FSTL5: variants seen among roughly 807,000 people sequenced by gnomAD.
FSTL5 encodes the protein follistatin like 5.
A neutral mutation model predicts 89.1 loss-of-function variants in FSTL5; 62 were observed. The ratio of observed to expected loss-of-function variants is 0.70; its 90% CI spans 0.57 to 0.86. The LOEUF is 0.86. FSTL5 is among the 40% of genes least tolerant of loss of function. The pLI is 0.00. For missense variants in FSTL5, 1,057 were observed against 1,001.6 expected (o/e 1.06, Z -0.75); for synonymous variants, 383 against 346.2 (o/e 1.11, Z -1.18).
chr4:161,698,229 C>T (rs921219713), intron 6 of FSTL5, among the ~76,000 whole-genome samples: 3 of 152,106 alleles, frequency 2.0e-5, no homozygotes, highest in Non-Finnish European at 2.9e-5. Flanking sequence ...TCTGCTGGCA[C>T]CTCGATCTAG....
In FSTL5 at chr4:161,947,158, G is replaced by T. The variant is rs534160247; in HGVS notation, c.161-26506C>A. Reference sequence around the variant, plus strand: ...TGTGTGTGTATGTGTGTGTGTGTGTGTGTGCATCTTACTCTGTTACTGCTT... The same window carrying T: ...TGTGTGTGTATGTGTGTGTGTGTGTTTGTGCATCTTACTCTGTTACTGCTT... On this transcript the variant is annotated intron_variant, in intron 3 of 15. Transcript: ENST00000306100. 4.9e-4 allele frequency among the ~76,000 whole-genome samples: 75 copies of T among 151,792 alleles called. 1 individual carries two copies. In the Middle Eastern group the frequency reaches 0.014, roughly 28 times the overall value.
intron 13 of FSTL5, among the ~76,000 whole-genome samples, chr4:161,462,308 C>T (rs972465969): frequency 6.6e-6 from 1 of 152,152 alleles, no homozygotes; most frequent in African/African-American, 2.4e-5. Flanking sequence ...ATGTTGCTCT[C>T]TTATTTATGC....
At chr4:161,810,117 T>A (rs1266931365) in intron 4 of FSTL5, among the ~76,000 whole-genome samples, 1 of 152,064 alleles carries the variant, frequency 6.6e-6, no homozygotes, top group Non-Finnish European at 1.5e-5. Context: ...GTAGTTGTGA[T>A]GAAATGTCAT....
intron 3 of FSTL5, among the ~76,000 whole-genome samples, chr4:161,921,104 A>G (rs1179306325): frequency 2.6e-5 from 4 of 152,194 alleles, no homozygotes; most frequent in African/African-American, 9.6e-5. Flanking sequence ...TCCTTGGCAC[A>G]TGATAGATGT....
chr4:161,644,705 T>C (rs1453781622), intron 7 of FSTL5, among the ~76,000 whole-genome samples: 1 of 152,080 alleles, frequency 6.6e-6, no homozygotes, highest in African/African-American at 2.4e-5. Flanking sequence ...AAGAAGCCAT[T>C]AAGGGATTTT....
intron 2 of FSTL5, among the ~76,000 whole-genome samples, chr4:162,042,504 G>T (rs1036634347): frequency 6.6e-6 from 1 of 151,962 alleles, no homozygotes. Context: ...AAGGAATTAC[G>T]GTCATTTAGG....
intron 4 of FSTL5, among the ~76,000 whole-genome samples, chr4:161,784,703 GC>G (rs1463109395): frequency 1.3e-5 from 2 of 151,834 alleles, no homozygotes; most frequent in Non-Finnish European, 2.9e-5. Flanking sequence ...GACCATCCTG[GC>G]TAACACGCTG....
Position 161,631,990 on chromosome 4 carries a change from G to A in FSTL5, c.894+24338C>T, listed in dbSNP as rs188376951. Among the ~76,000 whole-genome samples the A allele has an allele frequency of 3.8e-3, 575 of 152,246 alleles. 6 individuals are homozygous for A. The highest frequency in any genetic ancestry group is 6.4e-3 in the Non-Finnish European group (435 of 68,014). ...TACACTGAAGCTATATTTGGTTCATGTAAAATTTATCTTAGCATATAGAAA... is the reference window on the plus strand; with the variant it reads ...TACACTGAAGCTATATTTGGTTCATATAAAATTTATCTTAGCATATAGAAA... On this transcript the variant is annotated intron_variant, in intron 7 of 15. Coordinates refer to ENST00000306100, the MANE Select transcript of FSTL5 (RefSeq NM_020116.5).
intron 3 of FSTL5, among the ~76,000 whole-genome samples, chr4:161,923,665 T>G (rs549624292): frequency 6.6e-6 from 1 of 151,894 alleles, no homozygotes; most frequent in South Asian, 2.1e-4. Flanking sequence ...AGTCACAAAT[T>G]GAGGTAGCTT....
At chr4:161,753,810 A>G (rs1740479248) in intron 6 of FSTL5, among the ~76,000 whole-genome samples, 1 of 152,052 alleles carries the variant, frequency 6.6e-6, no homozygotes, top group Non-Finnish European at 1.5e-5. Flanking sequence ...TGGGAGGCCG[A>G]GGCGGGTGGA....
intron 6 of FSTL5, among the ~76,000 whole-genome samples, chr4:161,717,465 G>T (rs1739027310): frequency 6.6e-6 from 1 of 152,106 alleles, no homozygotes; most frequent in Non-Finnish European, 1.5e-5. Context: ...GAAATCAACT[G>T]CCATAACATT....
intron 6 of FSTL5, among the ~76,000 whole-genome samples, chr4:161,747,428 C>T (rs142989869): frequency 2.9e-4 from 44 of 152,202 alleles, no homozygotes; most frequent in African/African-American, 1.0e-3. Context: ...TACTAAAATG[C>T]CTGATTTACT....
intron 4 of FSTL5, among the ~76,000 whole-genome samples, chr4:161,881,036 G>A (rs1732611896): frequency 6.6e-6 from 1 of 151,736 alleles, no homozygotes; most frequent in Non-Finnish European, 1.5e-5. Context: ...AAATTTTACT[G>A]TATATAAATG....
chr4:161,729,127 T>G (rs1290030030), intron 6 of FSTL5, among the ~76,000 whole-genome samples: 1 of 152,236 alleles, frequency 6.6e-6, no homozygotes, highest in Non-Finnish European at 1.5e-5. Context: ...ATGTATTCAC[T>G]TGTTATTTCC....
intron 7 of FSTL5, among the ~76,000 whole-genome samples, chr4:161,628,639 T>C (rs1170000312): frequency 6.6e-6 from 1 of 152,344 alleles, no homozygotes; most frequent in African/African-American, 2.4e-5. Flanking sequence ...AAGTGTAACA[T>C]TAAATCCCAA....
intron 8 of FSTL5, among the ~76,000 whole-genome samples, chr4:161,547,191 T>C (rs1481927213): frequency 6.6e-6 from 1 of 152,014 alleles, no homozygotes; most frequent in Non-Finnish European, 1.5e-5. Flanking sequence ...GAAGTAGTTA[T>C]GCCAGCCGCA....
rs35645704 is a variant in FSTL5 at position 162,119,230 on chromosome 4, T to TAAA, written c.-16-7821_-16-7819dup. Among the ~76,000 whole-genome samples the TAAA allele has an allele frequency of 9.0e-4, 129 of 142,698 alleles. 1 individual carries two copies. Among genetic ancestry groups the TAAA allele is most frequent in the African/African-American group, 2.9e-3 (113 of 38,740 alleles). The allele number at this position is 142,698 out of a possible 152,430, so 93.6% of individuals were successfully genotyped here. Reference sequence around the variant, plus strand: ...CAACAGAGTGAGATCCTATCTCTCTTAAAAAAAAAAAAAGGTGCACACAAT... The same window carrying TAAA: ...CAACAGAGTGAGATCCTATCTCTCTTAAAAAAAAAAAAAAAAGGTGCACACAAT... On this transcript the variant is annotated intron_variant, in intron 1 of 15. Coordinates refer to ENST00000306100, the MANE Select transcript of FSTL5 (RefSeq NM_020116.5).
chr4:162,117,982 A>G (rs552201572), intron 1 of FSTL5, among the ~76,000 whole-genome samples: 1 of 152,324 alleles, frequency 6.6e-6, no homozygotes, highest in African/African-American at 2.4e-5. Flanking sequence ...AGTTGCAGTT[A>G]TCGCAAAAAG....
intron 4 of FSTL5, among the ~76,000 whole-genome samples, chr4:161,898,909 C>G (rs1347998507): frequency 1.3e-5 from 2 of 151,946 alleles, no homozygotes; most frequent in Admixed American, 6.6e-5. Flanking sequence ...GATTACAAGC[C>G]TGAGCCACCG....
Sources: allele counts gnomAD v4.1 joint callset (sites outside exome capture counted in the v4.1 genomes callset), GRCh38; gene constraint gnomAD v4.1.1; transcripts MANE v1.5; gene names NCBI Gene and HGNC (gene_info 2026-07-23, HGNC 2026-07-21).